TYW1B: variants seen among roughly 807,000 people sequenced by gnomAD.
The protein encoded by TYW1B is S-adenosyl-L-methionine-dependent tRNA 4-demethylwyosine synthase TYW1B.
TYW1B carries 73 observed loss-of-function variants against 86.9 expected under a neutral mutation model. The observed-to-expected ratio is 0.84, with a 90% CI of 0.70 to 1.02. The LOEUF is 1.02. TYW1B is among the 50% of genes least tolerant of loss of function. The probability of loss-of-function intolerance (pLI) is 0.00; values close to 1 mark genes in which losing one functional copy is unlikely to be tolerated. For missense variants in TYW1B, 637 were observed against 827.4 expected, an observed-to-expected ratio of 0.77 and a Z score of 2.82; for synonymous variants, 248 against 292.8, an observed-to-expected ratio of 0.85 and a Z score of 1.56.
chr7:72,801,790 A>G (rs1365541275), intron 6 of TYW1B, among the ~76,000 whole-genome samples: 1 of 152,052 alleles, frequency 6.6e-6, no homozygotes, highest in African/African-American at 2.4e-5. Context: ...ACTCATGCTG[A>G]TCTCCACACC....
At chr7:72,706,431 C>CAAAAA (rs59124514) in intron 10 of TYW1B, among the ~76,000 whole-genome samples, 2 of 64,486 alleles carry the variant, frequency 3.1e-5, no homozygotes, top group Non-Finnish European at 5.7e-5. Context: ...CCTCCATCTC[C>CAAAAA]AAAAAAAAAA....
intron 13 of TYW1B, among the ~76,000 whole-genome samples, chr7:72,576,807 C>T (rs149641611): frequency 0.035 from 5,363 of 151,784 alleles, 156 homozygotes; most frequent in Middle Eastern, 0.058. Flanking sequence ...CCACCACACC[C>T]GGCCCATGCC....
chr7:72,695,259 A>G (rs1814288452), intron 10 of TYW1B, among the ~76,000 whole-genome samples: 2 of 152,104 alleles, frequency 1.3e-5, no homozygotes, highest in African/African-American at 4.8e-5. Flanking sequence ...TCTTCTAAGG[A>G]ACAAGAAACA....
chr7:72,685,150 A>G (rs1813978518), intron 11 of TYW1B, among the ~76,000 whole-genome samples: 1 of 151,954 alleles, frequency 6.6e-6, no homozygotes, highest in Non-Finnish European at 1.5e-5. Context: ...TTTTGTTATC[A>G]TAAAGTACTT....
At chr7:72,815,282 T>G (rs1398658087) in intron 3 of TYW1B, 98 bp downstream of exon 3, 1 of 1,096,684 alleles carries the variant, frequency 9.1e-7, no homozygotes, top group Non-Finnish European at 1.3e-6. Context: ...AAAATTAAAT[T>G]TATTCTGAAG....
At chr7:72,644,896 C>T (rs1812889505) in intron 11 of TYW1B, among the ~76,000 whole-genome samples, 4 of 147,256 alleles carry the variant, frequency 2.7e-5, no homozygotes, top group Non-Finnish European at 5.9e-5. Context: ...GCCGCGATCT[C>T]GGCTCACTGC....
At chr7:72,756,338 G>A (rs11972148) in intron 7 of TYW1B, among the ~76,000 whole-genome samples, 104,491 of 151,438 alleles carry the variant, frequency 0.69, 37,016 homozygotes, top group Non-Finnish European at 0.77. Flanking sequence ...GGGTTCAAGC[G>A]ATTCTCCCGC....
chr7:72,698,548 A>C (rs1554451908), intron 10 of TYW1B, among the ~76,000 whole-genome samples: 1 of 151,856 alleles, frequency 6.6e-6, no homozygotes, highest in Non-Finnish European at 1.5e-5. Context: ...CAGGAGGCTG[A>C]GGCACAAAAA....
At chr7:72,627,315 G>A (rs1488332986) in intron 12 of TYW1B, among the ~76,000 whole-genome samples, 1 of 152,002 alleles carries the variant, frequency 6.6e-6, no homozygotes, top group Non-Finnish European at 1.5e-5. Flanking sequence ...AGGTGCGGTA[G>A]TGGGCAGCTG....
At chr7:72,643,874 C>A (rs1554441756) in intron 11 of TYW1B, among the ~76,000 whole-genome samples, 1 of 151,996 alleles carries the variant, frequency 6.6e-6, no homozygotes, top group African/African-American at 2.4e-5. Context: ...GAAAAAGAGG[C>A]CCTATTCTCC....
chr7:72,675,656 C>T (rs1222341501), intron 11 of TYW1B, among the ~76,000 whole-genome samples: 2 of 151,192 alleles, frequency 1.3e-5, no homozygotes, highest in East Asian at 1.9e-4. Flanking sequence ...TGTGGATCTA[C>T]GCTTCATCAA....
chr7:72,773,248 T>C (rs1223444977), intron 7 of TYW1B, among the ~76,000 whole-genome samples: 2 of 152,186 alleles, frequency 1.3e-5, no homozygotes, highest in African/African-American at 4.8e-5. Context: ...GCCAACAGTG[T>C]ACAGTTGCTG....
intron 13 of TYW1B, among the ~76,000 whole-genome samples, chr7:72,597,222 T>C (rs1161015581): frequency 6.6e-6 from 1 of 151,692 alleles, no homozygotes; most frequent in East Asian, 1.9e-4. Flanking sequence ...ATTCATAGAT[T>C]GAATAAGAAA....
chr7:72,631,683 G>T (rs1249249207), intron 11 of TYW1B, among the ~76,000 whole-genome samples: 4 of 152,012 alleles, frequency 2.6e-5, no homozygotes, highest in Non-Finnish European at 5.9e-5. Flanking sequence ...AATATGACTG[G>T]TTTCTTGGAA....
At chr7:72,733,175 C>T (rs555042327) in intron 8 of TYW1B, among the ~76,000 whole-genome samples, 137 of 148,342 alleles carry the variant, frequency 9.2e-4, no homozygotes, top group South Asian at 6.0e-3. Context: ...CACACACACA[C>T]ACACACACAC....
intron 11 of TYW1B, among the ~76,000 whole-genome samples, chr7:72,693,217 C>T (rs541985424): frequency 1.2e-3 from 189 of 151,984 alleles, no homozygotes; most frequent in African/African-American, 4.3e-3. Context: ...AAAAGCAGAA[C>T]CAGATGATTA....
At chr7:72,667,358 G>GT (rs1813489706) in intron 11 of TYW1B, among the ~76,000 whole-genome samples, 1 of 152,148 alleles carries the variant, frequency 6.6e-6, no homozygotes, top group Non-Finnish European at 1.5e-5. Flanking sequence ...TGTTGCCTTT[G>GT]TAAGTATCAA....
At position 72,740,467 on chromosome 7, in the gene TYW1B, CTTT is replaced by C. The variant is rs370164283; in HGVS notation, c.1082+4014_1082+4016del. On this transcript the variant is annotated intron_variant, in intron 8 of 13. Coordinates refer to ENST00000620995, the MANE Select transcript of TYW1B (RefSeq NM_001145440.3). ...GTCAATCTGCAAAGACTGGGAGAAG[CTTT>C]TTTTTTTTTTTTTTTCTCCAATTTT... Among the ~76,000 whole-genome samples, 387 of 116,662 alleles carry C rather than the reference CTTT, an allele frequency of 3.3e-3. 2 individuals carry two copies. The highest frequency in any genetic ancestry group is 0.01 in the Middle Eastern group (2 of 200). 76.5% of individuals were successfully genotyped at this position (116,662 alleles called of 152,430 possible).
intron 13 of TYW1B, among the ~76,000 whole-genome samples, chr7:72,596,988 G>GA (rs1263623067): frequency 8.1e-4 from 120 of 148,300 alleles, no homozygotes; most frequent in Admixed American, 1.2e-3. Context: ...AATAAGCACA[G>GA]AAAAAAAGTG....
Sources: allele counts gnomAD v4.1 joint callset (sites outside exome capture counted in the v4.1 genomes callset), GRCh38; gene constraint gnomAD v4.1.1; transcripts MANE v1.5; gene names NCBI Gene and HGNC (gene_info 2026-07-23, HGNC 2026-07-21).